The following NBDY variants were observed in gnomAD, a reference collection of about 807,000 sequenced individuals.
NBDY encodes P-body dissociating protein.
intron 2 of NBDY, among the ~76,000 whole-genome samples, chrX:56,815,118 T>G: frequency 9.0e-6 from 1 of 111,057 alleles, no homozygotes; most frequent in Non-Finnish European, 1.9e-5. Flanking sequence ...TTCTGAGAAA[T>G]CAGGAAAATT....
At chrX:56,793,213 C>G (rs1407257940) in intron 2 of NBDY, among the ~76,000 whole-genome samples, 1 of 112,506 alleles carries the variant, frequency 8.9e-6, no homozygotes, top group Non-Finnish European at 1.9e-5. Flanking sequence ...GTTTTGTAAT[C>G]CAGCTGAGTG....
intron 2 of NBDY, among the ~76,000 whole-genome samples, chrX:56,748,536 G>T (rs1424637561): frequency 9.3e-6 from 1 of 107,770 alleles, no homozygotes; most frequent in Non-Finnish European, 1.9e-5. Flanking sequence ...GGTATATATA[G>T]AGAAAAGTTA....
At chrX:56,754,517 C>A (rs1247570916) in intron 2 of NBDY, among the ~76,000 whole-genome samples, 1 of 111,999 alleles carries the variant, frequency 8.9e-6, no homozygotes, top group Non-Finnish European at 1.9e-5. Flanking sequence ...GAAAGTCATA[C>A]AATATCTTCT....
intron 2 of NBDY, among the ~76,000 whole-genome samples, chrX:56,813,010 G>A (rs1333101295): frequency 1.8e-5 from 2 of 110,336 alleles, no homozygotes; most frequent in Non-Finnish European, 3.8e-5. Context: ...TGGACACAGG[G>A]TGGGGAACAT....
At position 56,797,110 on chromosome X, in the gene NBDY, C is replaced by T. The variant is rs144049284; in HGVS notation, c.*167-20210C>T. 9.5e-3 allele frequency among the ~76,000 whole-genome samples: 1,020 copies of T among 107,889 alleles called. 6 individuals carry two copies. Among genetic ancestry groups the T allele is most frequent in the African/African-American group, 0.033 (966 of 29,554 alleles). The allele number at this position is 107,889 out of a possible 115,157, so 93.7% of individuals were successfully genotyped here. A position where few individuals can be genotyped will look rare whatever the true frequency, so the allele number is the denominator to read the frequency against. ...CTCTCCTTCTTCTTCTTTTTCTTTC[C>T]CTCTTCTTCTTTCTTCTTCTTCTTC... On this transcript the variant is annotated intron_variant, in intron 2 of 2. Coordinates refer to ENST00000374922, the MANE Select transcript of NBDY (RefSeq NM_001348129.2).
rs759908344 is a variant in NBDY, at chrX:56,789,038, G to C, written c.*167-28282G>C. Among the ~76,000 whole-genome samples the C allele has an allele frequency of 9.8e-5, 11 of 112,813 alleles. No individual in the cohort carries two copies. The East Asian group carries it at 2.8e-3, about 29-fold the overall frequency. ...GTTCAGAAACATCTTCCTCTGGGTG[G>C]CACTGTGGCTCCGCAAATGGCAGTC... On this transcript the variant is annotated intron_variant, in intron 2 of 2. Transcript: ENST00000374922.
intron 2 of NBDY, among the ~76,000 whole-genome samples, chrX:56,784,655 T>C (rs1360974629): frequency 9.0e-6 from 1 of 111,293 alleles, no homozygotes; most frequent in East Asian, 2.8e-4. Flanking sequence ...GATCCTGGAA[T>C]GTGTTGGGTG....
At chrX:56,765,222 C>T (rs2069659706) in intron 2 of NBDY, among the ~76,000 whole-genome samples, 1 of 111,969 alleles carries the variant, frequency 8.9e-6, no homozygotes, top group Non-Finnish European at 1.9e-5. Context: ...ATTGGCGTTT[C>T]CCTCTCCTTT....
chrX:56,815,427 A>G (rs1354142668), intron 2 of NBDY, among the ~76,000 whole-genome samples: 1 of 112,031 alleles, frequency 8.9e-6, no homozygotes, highest in African/African-American at 3.2e-5. Context: ...TAAATCAAAC[A>G]TATACTATGT....
chrX:56,798,923 GGA>G (rs2069807883), intron 2 of NBDY, among the ~76,000 whole-genome samples: 1 of 111,881 alleles, frequency 8.9e-6, no homozygotes, highest in Non-Finnish European at 1.9e-5. Flanking sequence ...TGGAAAAGGT[GGA>G]GGCCCTCAGG....
chrX:56,786,663 C>T (rs1410518579), intron 2 of NBDY, among the ~76,000 whole-genome samples: 1 of 109,331 alleles, frequency 9.1e-6, no homozygotes, highest in Non-Finnish European at 1.9e-5. Flanking sequence ...TCTTCTTCTT[C>T]TTGTGCCTCT....
At chrX:56,799,809 C>T (rs765219895) in intron 2 of NBDY, among the ~76,000 whole-genome samples, 1 of 112,899 alleles carries the variant, frequency 8.9e-6, no homozygotes, top group South Asian at 3.7e-4. Flanking sequence ...CCCACCTCAT[C>T]TTCAACAGGG....
At chrX:56,750,745 A>G (rs1420205137) in intron 2 of NBDY, among the ~76,000 whole-genome samples, 1 of 111,648 alleles carries the variant, frequency 9.0e-6, no homozygotes, top group Non-Finnish European at 1.9e-5. Context: ...CCAAGTCATA[A>G]TGGTTATTTC....
At chrX:56,735,519 C>T (rs762920411) in intron 2 of NBDY, among the ~76,000 whole-genome samples, 39 of 111,876 alleles carry the variant, frequency 3.5e-4, no homozygotes, top group Non-Finnish European at 6.4e-4. Flanking sequence ...CTTAGGCTTG[C>T]TTTAAACATT....
At chrX:56,809,946 T>G (rs1410740312) in intron 2 of NBDY, among the ~76,000 whole-genome samples, 1 of 111,983 alleles carries the variant, frequency 8.9e-6, no homozygotes, top group Non-Finnish European at 1.9e-5. Flanking sequence ...AAGGCAGGCC[T>G]GGTGGTGACA....
At chrX:56,767,292 T>A (rs1478350085) in intron 2 of NBDY, among the ~76,000 whole-genome samples, 1 of 113,523 alleles carries the variant, frequency 8.8e-6, no homozygotes, top group Non-Finnish European at 1.9e-5. Context: ...CTACTGATCC[T>A]TGATCCTAGG....
chrX:56,783,100 C>T (rs1003199317), intron 2 of NBDY, among the ~76,000 whole-genome samples: 3 of 112,823 alleles, frequency 2.7e-5, no homozygotes, highest in African/African-American at 3.2e-5. Flanking sequence ...GTCTTCCACT[C>T]GGGCTGTAAA....
At chrX:56,793,162 C>T (rs972026105) in intron 2 of NBDY, among the ~76,000 whole-genome samples, 2 of 112,355 alleles carry the variant, frequency 1.8e-5, no homozygotes, top group African/African-American at 3.2e-5. Context: ...ACTCTACCTG[C>T]AGCTCCAGGC....
At chrX:56,750,130 G>A (rs1165661572) in intron 2 of NBDY, among the ~76,000 whole-genome samples, 3 of 111,651 alleles carry the variant, frequency 2.7e-5, no homozygotes, top group African/African-American at 9.8e-5. Context: ...ATAAGAATGA[G>A]TGAAAATGCC....
Sources: allele counts gnomAD v4.1 joint callset (sites outside exome capture counted in the v4.1 genomes callset), GRCh38; gene constraint gnomAD v4.1.1; transcripts MANE v1.5; gene names NCBI Gene and HGNC (gene_info 2026-07-23, HGNC 2026-07-21).